The following MAMDC2 variants were observed in gnomAD, a reference collection of about 807,000 sequenced individuals.
MAMDC2 encodes the protein MAM domain-containing protein 2.
A neutral mutation model predicts 89.8 loss-of-function variants in MAMDC2; 57 were observed. The observed-to-expected ratio is 0.63, with a 90% CI of 0.51 to 0.79. The LOEUF (loss-of-function observed/expected upper bound fraction) is 0.79. MAMDC2 is among the 30% of genes least tolerant of loss of function. MAMDC2 has a pLI of 0.00. For synonymous variants in MAMDC2, 313 were observed against 293.4 expected (o/e 1.07, Z -0.68); for missense variants, 800 against 820.6 (o/e 0.97, Z 0.31).
chr9:70,090,774 G>T (rs1186632120), intron 2 of MAMDC2: 1 of 152,084 alleles, frequency 6.6e-6, no homozygotes, highest in Non-Finnish European at 1.5e-5. Context: ...GTTATACTCA[G>T]AAATCCGTAC....
intron 2 of MAMDC2, among the ~76,000 whole-genome samples, chr9:70,091,579 A>T (rs1457683098): frequency 6.6e-6 from 1 of 152,212 alleles, no homozygotes; most frequent in Non-Finnish European, 1.5e-5. Context: ...CATATTTACG[A>T]ATTTTTAATT....
chr9:70,144,679 T>TGAAG (rs1309845948), intron 9 of MAMDC2, among the ~76,000 whole-genome samples: 1 of 152,174 alleles, frequency 6.6e-6, no homozygotes, highest in Admixed American at 6.5e-5. Context: ...CATTGTTGAA[T>TGAAG]GAAGGAAGGA....
intron 2 of MAMDC2, among the ~76,000 whole-genome samples, chr9:70,054,595 T>A (rs895145226): frequency 6.6e-6 from 1 of 152,092 alleles, no homozygotes; most frequent in Non-Finnish European, 1.5e-5. Context: ...TTTTTCGTTT[T>A]GTTTTGTTTT....
chr9:70,164,930 A>C (rs1403801768), intron 9 of MAMDC2, among the ~76,000 whole-genome samples: 5 of 149,180 alleles, frequency 3.4e-5, no homozygotes, highest in African/African-American at 9.8e-5. Context: ...GTGAGCCTAT[A>C]ATTAATATAA....
chr9:70,116,751 C>T (rs2030014544), intron 5 of MAMDC2, among the ~76,000 whole-genome samples: 2 of 151,422 alleles, frequency 1.3e-5, no homozygotes, highest in African/African-American at 4.9e-5. Context: ...AAAAAGAGGC[C>T]CTGGATTTTC....
At chr9:70,060,185 G>A (rs536654725) in intron 2 of MAMDC2, among the ~76,000 whole-genome samples, 1 of 152,092 alleles carries the variant, frequency 6.6e-6, no homozygotes, top group African/African-American at 2.4e-5. Flanking sequence ...TGTTAAACTC[G>A]AAGCAAAGAA....
intron 11 of MAMDC2, among the ~76,000 whole-genome samples, chr9:70,202,081 C>G (rs1352023044): frequency 1.3e-5 from 2 of 151,742 alleles, no homozygotes; most frequent in African/African-American, 4.9e-5. Flanking sequence ...TTAGTTATTT[C>G]TTGCCTTCTG....
chr9:70,184,901 C>T (rs545897852), intron 11 of MAMDC2, among the ~76,000 whole-genome samples: 2 of 152,220 alleles, frequency 1.3e-5, no homozygotes, highest in East Asian at 3.9e-4. Context: ...ACTCATTCTC[C>T]ATCCAGTTTT....
At chr9:70,202,844 T>G (rs1157375706) in intron 11 of MAMDC2, among the ~76,000 whole-genome samples, 14 of 151,036 alleles carry the variant, frequency 9.3e-5, no homozygotes, top group African/African-American at 2.2e-4. Context: ...TTTGTTGGTT[T>G]AAAGTCTGTT....
intron 11 of MAMDC2, among the ~76,000 whole-genome samples, chr9:70,196,644 A>G (rs2032979386): frequency 6.6e-6 from 1 of 152,144 alleles, no homozygotes; most frequent in South Asian, 2.1e-4. Flanking sequence ...TTTCCAGCAG[A>G]GTTGAAGAAA....
intron 2 of MAMDC2, among the ~76,000 whole-genome samples, chr9:70,054,568 A>G (rs768277900): frequency 8.5e-5 from 13 of 152,120 alleles, no homozygotes; most frequent in Non-Finnish European, 1.8e-4. Context: ...AAACTTTGAG[A>G]TGAAAGTTTT....
rs1016139559 is a variant in MAMDC2, at chr9:70,170,260, T to C, written c.1499-219T>C. On this transcript the variant is annotated intron_variant, in intron 10 of 13. Transcript: ENST00000377182. Reference sequence around the variant, plus strand: ...TCAAAGTAGCCCAGTATTTTAGATCTGTATATCTGATTGTTCTCTATGTCT... The same window carrying C: ...TCAAAGTAGCCCAGTATTTTAGATCCGTATATCTGATTGTTCTCTATGTCT... 2.5e-4 allele frequency: 103 copies of C among 412,432 alleles called. No homozygotes were observed. The Admixed American group carries it at 4.3e-3, about 17-fold the overall frequency. The allele number at this position is 412,432 out of a possible 1,614,324, so 25.5% of individuals were successfully genotyped here.
At position 70,152,437 on chromosome 9, in the gene MAMDC2, C is replaced by T. The variant is rs576482102; in HGVS notation, c.1404+8618C>T. On this transcript the variant is annotated intron_variant, in intron 9 of 13. Transcript: ENST00000377182. The stretch of plus-strand genomic sequence containing the variant: ...CTCCCTAGGAAGGAAAGCAGTCCAG[C>T]GCCATTTAACAGATGAGGAATGCTC... Among the ~76,000 whole-genome samples, 71 of 152,240 alleles carry T rather than the reference C, an allele frequency of 4.7e-4. No homozygotes were observed. The South Asian group carries it at 0.013, about 28-fold the overall frequency.
chr9:70,130,045 T>TGTGTGTGA (rs1554673785), intron 6 of MAMDC2, among the ~76,000 whole-genome samples: 16 of 147,528 alleles, frequency 1.1e-4, no homozygotes, highest in African/African-American at 2.7e-4. Flanking sequence ...TGTGTGTGTG[T>TGTGTGTGA]GAGAGTGTCT....
chr9:70,051,890 G>T lies in MAMDC2; in HGVS notation c.148+7193G>T, dbSNP rs62572646. Among the ~76,000 whole-genome samples the T allele has an allele frequency of 8.2e-3, 919 of 111,776 alleles. 3 individuals carry two copies. The highest frequency in any genetic ancestry group is 0.037 in the East Asian group (146 of 3,980). 73.3% of individuals were successfully genotyped at this position (111,776 alleles called of 152,430 possible). A position where few individuals can be genotyped will look rare whatever the true frequency, so the allele number is the denominator to read the frequency against. ...CTATTTACCTATCTAGATAGATAGA[G>T]ATAGATAGATAGATAGATAGATAGA... On this transcript the variant is annotated intron_variant, in intron 2 of 13. Transcript: ENST00000377182.
chr9:70,045,252 C>G (rs892049036), intron 2 of MAMDC2, among the ~76,000 whole-genome samples: 62 of 152,148 alleles, frequency 4.1e-4, no homozygotes, highest in African/African-American at 1.5e-3. Context: ...CAAAAGAAAC[C>G]ATGTACACTG....
chr9:70,113,688 A>G (rs550436382), intron 5 of MAMDC2: 1 of 154,712 alleles, frequency 6.5e-6, no homozygotes, highest in Non-Finnish European at 1.4e-5. Flanking sequence ...AGCTTTGAGG[A>G]GAAGTCCTCC....
chr9:70,114,747 A>T (rs2029888341), intron 5 of MAMDC2, among the ~76,000 whole-genome samples: 1 of 152,158 alleles, frequency 6.6e-6, no homozygotes, highest in Non-Finnish European at 1.5e-5. Flanking sequence ...TTCAAGGAAG[A>T]CGCTTTCAAG....
intron 2 of MAMDC2, among the ~76,000 whole-genome samples, chr9:70,058,585 G>A (rs1827077390): frequency 6.6e-6 from 1 of 152,182 alleles, no homozygotes. Flanking sequence ...GACAGGTGAG[G>A]CAGACAGAAG....
Sources: gnomAD v4.1 joint callset for allele counts (sites outside exome capture counted in the v4.1 genomes callset) on GRCh38, gnomAD v4.1.1 for gene constraint, MANE v1.5 for transcripts, NCBI Gene and HGNC (gene_info 2026-07-23, HGNC 2026-07-21) for gene names.